CELA1: variants seen among roughly 807,000 people sequenced by gnomAD.
The protein encoded by CELA1 is chymotrypsin like elastase 1, also known as chymotrypsin-like elastase family member 1.
Under a neutral mutation model 34.8 loss-of-function variants are expected in CELA1, and 28 were observed. The observed-to-expected ratio is 0.80, with a 90% CI of 0.60 to 1.10. The LOEUF is 1.10. CELA1 is among the 50% of genes least tolerant of loss of function. The pLI, the probability that CELA1 is intolerant of heterozygous loss-of-function variation, is 0.00. For synonymous variants in CELA1, 140 were observed against 129.8 expected (o/e 1.08, Z -0.53); for missense variants, 288 against 327.5 (o/e 0.88, Z 0.93).
At chr12:51,328,831 T>C (rs1250799114) in intron 7 of CELA1, among the ~76,000 whole-genome samples, 3 of 152,188 alleles carry the variant, frequency 2.0e-5, no homozygotes, top group African/African-American at 7.2e-5. Context: ...CCAAGATTAA[T>C]ACACAAGGCT....
rs998304632 is a variant in CELA1, at chr12:51,339,859, C to T, written c.609+1G>A. The T allele has an allele frequency of 1.2e-6, 2 of 1,609,522 alleles. No individual in the cohort carries two copies. Among genetic ancestry groups the T allele is most frequent in the African/African-American group, 2.7e-5 (2 of 74,828 alleles). ...GGGTGGGACCCCCTGCAAATGTTCA[C>T]CTGGCATCCAGAGCGAACTCCATCT... On this transcript the variant is annotated splice_donor_variant, in intron 6 of 7. Coordinates refer to ENST00000293636, the MANE Select transcript of CELA1 (RefSeq NM_001971.6). LOFTEE classifies it high-confidence loss of function.
In CELA1 at chr12:51,328,657, C is replaced by G. The variant is rs1946450778; in HGVS notation, c.760-63G>C. The G allele has an allele frequency of 2.0e-5, 31 of 1,577,120 alleles. 1 individual carries two copies. In the South Asian group the frequency reaches 3.4e-4, roughly 17 times the overall value. On this transcript the variant is annotated intron_variant, in intron 7 of 7. Transcript: ENST00000293636. ...CTGCCTACCTCCTTTCTTGTTTCCT[C>G]AGGGCTCCCAGTTAAGTATGGTTTT...
intron 4 of CELA1, 120 bp from the exon 5 acceptor site, chr12:51,341,500 A>G: frequency 9.2e-7 from 1 of 1,086,962 alleles, no homozygotes; most frequent in Non-Finnish European, 1.3e-6. Context: ...GACTTTGAAG[A>G]AGGACGGGGC....
intron 6 of CELA1, among the ~76,000 whole-genome samples, chr12:51,338,250 A>AT (rs1946511797): frequency 9.7e-6 from 1 of 103,076 alleles, no homozygotes; most frequent in African/African-American, 3.8e-5. Context: ...GAAAAAAAAA[A>AT]AACATACACA....
chr12:51,335,150 C>G (rs1946493601), intron 6 of CELA1, among the ~76,000 whole-genome samples: 1 of 152,196 alleles, frequency 6.6e-6, no homozygotes, highest in African/African-American at 2.4e-5. Flanking sequence ...CACCTGTGCT[C>G]TTAGTTCCAT....
intron 2 of CELA1, among the ~76,000 whole-genome samples, chr12:51,344,343 C>T (rs1307126898): frequency 6.6e-6 from 1 of 152,198 alleles, no homozygotes; most frequent in Non-Finnish European, 1.5e-5. Context: ...TGCAATGGAC[C>T]TAGAACCCAT....
chr12:51,335,875 G>A (rs115055675), intron 6 of CELA1, among the ~76,000 whole-genome samples: 82 of 152,116 alleles, frequency 5.4e-4, no homozygotes, highest in African/African-American at 1.8e-3. Context: ...GGGCTCAAGC[G>A]ATCCTCCTGC....
At position 51,346,656 on chromosome 12, in the gene CELA1, C is replaced by T. The variant is rs781713266; in HGVS notation, c.-18G>A. 120 of 1,592,946 alleles carry T rather than the reference C, an allele frequency of 7.5e-5. 2 individuals carry two copies. In the Admixed American group the frequency reaches 2.0e-3, roughly 27 times the overall value. ...ACCAGCATGTTGCCGATGGAGTAGACCACTGCCTTCTTGCTTGGACCAAGC... is the reference window on the plus strand; with the variant it reads ...ACCAGCATGTTGCCGATGGAGTAGATCACTGCCTTCTTGCTTGGACCAAGC... On this transcript the variant is annotated 5_prime_UTR_variant, in exon 1 of 8. Coordinates refer to ENST00000293636, the MANE Select transcript of CELA1 (RefSeq NM_001971.6).
At chr12:51,337,456 G>A (rs1347140717) in intron 6 of CELA1, among the ~76,000 whole-genome samples, 1 of 145,990 alleles carries the variant, frequency 6.8e-6, no homozygotes, top group African/African-American at 2.5e-5. Flanking sequence ...AGGATCATTT[G>A]AGCCCAGGAA....
Position 51,345,844 on chromosome 12 carries a change from G to T in CELA1, c.50C>A (p.Ala17Asp). The T allele has an allele frequency of 1.3e-6, 2 of 1,560,002 alleles. No homozygotes were observed. Among genetic ancestry groups the T allele is most frequent in the Non-Finnish European group, 1.7e-6 (2 of 1,151,160 alleles). ...GGCCTCAGTCCCTCCGACTACGCGG[G>T]CATTGGTTTCCGGAAGGTCCTGGGT... ...HSTQDLPETN[A>D]RVVGGTEAGR... Residue 17 changes from alanine (A) to aspartate (D), a missense_variant, in exon 2 of 8, where the codon GCC becomes GAC. Physicochemically the swap from Ala to Asp is moderately radical, Grantham distance 126. Coordinates refer to ENST00000293636, the MANE Select transcript of CELA1 (RefSeq NM_001971.6).
At chr12:51,329,421 C>G (rs1592294343) in intron 7 of CELA1, among the ~76,000 whole-genome samples, 1 of 152,088 alleles carries the variant, frequency 6.6e-6, no homozygotes, top group Non-Finnish European at 1.5e-5. Context: ...GTCCCTGATT[C>G]AGATTTGATG....
chr12:51,341,423 T>C (rs758058406), intron 4 of CELA1, 43 bp from the exon 5 acceptor site: 3 of 1,611,110 alleles, frequency 1.9e-6, no homozygotes, highest in Non-Finnish European at 2.5e-6. Flanking sequence ...GATCAGCTCT[T>C]CCCTGAGGTC....
At chr12:51,336,455 C>T (rs1476697140) in intron 6 of CELA1, among the ~76,000 whole-genome samples, 3 of 152,058 alleles carry the variant, frequency 2.0e-5, no homozygotes, top group African/African-American at 7.2e-5. Flanking sequence ...GGGGAAACCC[C>T]GTCTCTACTA....
intron 6 of CELA1, 23 bp from the exon 7 acceptor site, chr12:51,329,856 C>T: frequency 1.3e-6 from 2 of 1,578,512 alleles, no homozygotes; most frequent in Non-Finnish European, 1.7e-6. Flanking sequence ...GAAACAGAAT[C>T]CTAAAACTCC....
intron 2 of CELA1, among the ~76,000 whole-genome samples, chr12:51,344,255 C>T (rs1385039647): frequency 1.3e-5 from 2 of 152,248 alleles, no homozygotes; most frequent in South Asian, 2.1e-4. Context: ...GATGCTCCAT[C>T]GCTTGGTGAT....
At chr12:51,339,798 AG>A in intron 6 of CELA1, 61 bp downstream of exon 6, 1 of 1,542,882 alleles carries the variant, frequency 6.5e-7, no homozygotes. Flanking sequence ...GGTGAGGAAG[AG>A]GGGTGGAGGG....
At chr12:51,330,987 A>T (rs1202297240) in intron 6 of CELA1, among the ~76,000 whole-genome samples, 2 of 150,622 alleles carry the variant, frequency 1.3e-5, no homozygotes. Flanking sequence ...AAAAAAAAAA[A>T]GGAATTCATC....
intron 4 of CELA1, 148 bp from the exon 5 acceptor site, chr12:51,341,528 A>G (rs555784788): frequency 6.0e-5 from 45 of 748,682 alleles, no homozygotes; most frequent in Non-Finnish European, 8.7e-5. Flanking sequence ...CTAAGCCTCA[A>G]ACTAGAGCAA....
intron 4 of CELA1, 34 bp downstream of exon 4, chr12:51,342,541 G>A (rs944009977): frequency 6.2e-7 from 1 of 1,613,354 alleles, no homozygotes; most frequent in Non-Finnish European, 8.5e-7. Flanking sequence ...AGGCCTCACC[G>A]CCCAGCCCAG....
Sources: gnomAD v4.1 joint callset for allele counts (sites outside exome capture counted in the v4.1 genomes callset) on GRCh38, gnomAD v4.1.1 for gene constraint, MANE v1.5 for transcripts, NCBI Gene and HGNC (gene_info 2026-07-23, HGNC 2026-07-21) for gene names.